The following XDH variants were observed in gnomAD, a reference collection of about 807,000 sequenced individuals.
XDH encodes xanthine dehydrogenase.
Under a neutral mutation model 156.1 loss-of-function variants are expected in XDH, and 138 were observed. The observed-to-expected ratio is 0.88, with a 90% CI of 0.77 to 1.02. XDH has a LOEUF of 1.02. XDH is among the 50% of genes least tolerant of loss of function. The probability of loss-of-function intolerance (pLI) is 0.00; values close to 1 mark genes in which losing one functional copy is unlikely to be tolerated. For missense variants in XDH, 1,849 were observed against 1,684.9 expected (o/e 1.10, Z -1.71); for synonymous variants, 669 against 625.7 (o/e 1.07, Z -1.03).
At chr2:31,338,550 C>G (rs948515217) in intron 34 of XDH, among the ~76,000 whole-genome samples, 4 of 152,028 alleles carry the variant, frequency 2.6e-5, no homozygotes, top group Non-Finnish European at 4.4e-5. Context: ...AAGTAAACCA[C>G]GAGATGAGCA....
intron 27 of XDH, 112 bp from the exon 28 acceptor site, chr2:31,348,475 T>C: frequency 1.0e-6 from 1 of 992,498 alleles, no homozygotes; most frequent in Non-Finnish European, 1.6e-6. Context: ...ATTTTGGATG[T>C]AAACCTCAGA....
intron 12 of XDH, 58 bp from the exon 13 acceptor site, chr2:31,380,034 TG>T (rs1686394938): frequency 3.3e-6 from 5 of 1,538,418 alleles, no homozygotes; most frequent in Non-Finnish European, 4.5e-6. Context: ...GAACCCCCCA[TG>T]GGGAGAAAGG....
At chr2:31,376,934 T>G in intron 14 of XDH, 119 bp downstream of exon 14, 1 of 1,308,824 alleles carries the variant, frequency 7.6e-7, no homozygotes, top group Non-Finnish European at 1.1e-6. Flanking sequence ...TAGCAGTAGT[T>G]ATGGTAGTAG....
At chr2:31,395,454 TAAG>T (rs1055966229) in intron 6 of XDH, among the ~76,000 whole-genome samples, 4 of 152,166 alleles carry the variant, frequency 2.6e-5, no homozygotes, top group African/African-American at 9.7e-5. Context: ...CAGGCCTTTT[TAAG>T]AAGAACAGAA....
chr2:31,386,656 A>G, intron 8 of XDH, 101 bp from the exon 9 acceptor site: 1 of 1,485,816 alleles, frequency 6.7e-7, no homozygotes, highest in South Asian at 1.2e-5. Flanking sequence ...ACTGACATTC[A>G]GAATGAAAAT....
intron 24 of XDH, among the ~76,000 whole-genome samples, chr2:31,363,226 C>A (rs45538335): frequency 2.0e-5 from 3 of 152,156 alleles, no homozygotes; most frequent in Non-Finnish European, 4.4e-5. Context: ...ACAGGAGAAT[C>A]GCTTGAAGCT....
intron 3 of XDH, 109 bp from the exon 4 acceptor site, chr2:31,401,437 G>C: frequency 8.9e-7 from 1 of 1,122,248 alleles, no homozygotes; most frequent in South Asian, 1.3e-5. Context: ...ACGTCTCTCC[G>C]CTCCCATTTA....
In XDH at chr2:31,347,644, T is replaced by C. The variant is rs777296789; in HGVS notation, c.3154A>G (p.Ser1052Gly). ...GLHTKMVQVA[S>G]RALKIPTSKI... is the part of the protein sequence containing the mutation. The stretch of plus-strand genomic sequence containing the variant: ...GAGGTGGGGATTTTCAGAGCTCTAC[T>C]GGCCACCTGCGAAAAGAGAAGACAT... The change falls in exon 29 of 36, where the codon AGT becomes GGT. Residue 1052 changes from serine to glycine, a missense_variant. By Grantham distance (56) the Ser-to-Gly change is moderately conservative. Coordinates refer to ENST00000379416, the MANE Select transcript of XDH (RefSeq NM_000379.4). 2.4e-5 allele frequency: 38 copies of C among 1,613,680 alleles called. No homozygotes were observed. In the Middle Eastern group the frequency reaches 1.3e-3, roughly 56 times the overall value.
chr2:31,340,968 A>C (rs2148749530), intron 33 of XDH, among the ~76,000 whole-genome samples: 1 of 152,190 alleles, frequency 6.6e-6, no homozygotes, highest in Middle Eastern at 3.4e-3. Flanking sequence ...AACTCTTCTG[A>C]CCTCAGACCC....
chr2:31,347,790 C>A (rs1385743877), intron 28 of XDH, 140 bp from the exon 29 acceptor site: 5 of 1,188,626 alleles, frequency 4.2e-6, no homozygotes, highest in Non-Finnish European at 5.9e-6. Flanking sequence ...TCTGGGATGT[C>A]CTTACATCTG....
intron 35 of XDH, among the ~76,000 whole-genome samples, chr2:31,337,209 G>T (rs1224151798): frequency 6.6e-6 from 1 of 151,882 alleles, no homozygotes; most frequent in African/African-American, 2.4e-5. Context: ...GGACAAATGT[G>T]GTTGATCTAA....
intron 34 of XDH, among the ~76,000 whole-genome samples, chr2:31,338,664 G>T (rs143803644): frequency 6.7e-6 from 1 of 148,700 alleles, no homozygotes; most frequent in Non-Finnish European, 1.5e-5. Flanking sequence ...CATACTTACT[G>T]CAGATAAGGA....
intron 4 of XDH, 99 bp from the exon 5 acceptor site, chr2:31,398,798 G>GGTA (rs1686983161): frequency 1.3e-6 from 2 of 1,578,542 alleles, no homozygotes; most frequent in African/African-American, 2.7e-5. Context: ...AGATAGTGGG[G>GGTA]GTAGTAATCA....
At chr2:31,414,008 T>C (rs1196083688) in intron 1 of XDH, among the ~76,000 whole-genome samples, 2 of 151,954 alleles carry the variant, frequency 1.3e-5, no homozygotes, top group African/African-American at 2.4e-5. Context: ...GCAGCTTACA[T>C]GTAGAACTCA....
At chr2:31,396,207 G>C (rs1686899103) in intron 6 of XDH, among the ~76,000 whole-genome samples, 1 of 152,236 alleles carries the variant, frequency 6.6e-6, no homozygotes, top group Non-Finnish European at 1.5e-5. Flanking sequence ...CTGCAGGGTA[G>C]CTGAATTGAG....
At chr2:31,378,101 A>AGAAG (rs1491127030) in intron 13 of XDH, among the ~76,000 whole-genome samples, 7 of 61,988 alleles carry the variant, frequency 1.1e-4, no homozygotes, top group African/African-American at 4.9e-4. Flanking sequence ...AAAGAAAGAA[A>AGAAG]GAAAGAAAGG....
At chr2:31,406,149 G>A (rs554605258) in intron 1 of XDH, among the ~76,000 whole-genome samples, 185 bp from the exon 2 acceptor site, 1 of 152,294 alleles carries the variant, frequency 6.6e-6, no homozygotes, top group Non-Finnish European at 1.5e-5. Flanking sequence ...GTGGGGCCTA[G>A]TGGGAAGCAA....
Position 31,403,040 on chromosome 2 carries a change from A to G in XDH, c.197+8T>C, listed in dbSNP as rs760926768. ...CATGTGGGTGGTCAGCCAGCAGGCA[A>G]AGGATACACGATCTTGTTCTGCAGA... On this transcript the variant is annotated splice_region_variant and intron_variant, in intron 3 of 35. Transcript: ENST00000379416. 1.9e-6 allele frequency: 3 copies of G among 1,614,094 alleles called. No homozygotes were observed.
intron 3 of XDH, among the ~76,000 whole-genome samples, chr2:31,401,682 G>A (rs1020171617): frequency 6.6e-6 from 1 of 152,220 alleles, no homozygotes; most frequent in Admixed American, 6.5e-5. Context: ...GCAGGCTGCA[G>A]CCTTAAAGCA....
Sources: gnomAD v4.1 joint callset for allele counts (sites outside exome capture counted in the v4.1 genomes callset) on GRCh38, gnomAD v4.1.1 for gene constraint, MANE v1.5 for transcripts, NCBI Gene and HGNC (gene_info 2026-07-23, HGNC 2026-07-21) for gene names.